Variants in TOX observed in about 807,000 individuals in gnomAD.
TOX encodes thymocyte selection associated high mobility group box, also known as thymocyte selection-associated high mobility group box protein TOX.
A neutral mutation model predicts 53.7 loss-of-function variants in TOX; 11 were observed. The observed-to-expected ratio is 0.20, with a 90% confidence interval of 0.13 to 0.34. TOX has a LOEUF of 0.34. Among genes scored for constraint, TOX ranks in the 10% least tolerant of loss-of-function variants. The pLI, the probability that TOX is intolerant of heterozygous loss-of-function variation, is 1.00. For missense variants in TOX, 570 were observed against 664.6 expected (o/e 0.86, Z 1.56); for synonymous variants, 225 against 245.3 (o/e 0.92, Z 0.77).
chr8:58,976,818 T>C (rs1813109594), intron 1 of TOX, among the ~76,000 whole-genome samples: 1 of 152,212 alleles, frequency 6.6e-6, no homozygotes, highest in Non-Finnish European at 1.5e-5. Flanking sequence ...AGGTGCCTTG[T>C]TAGTAGTGGT....
chr8:58,915,648 T>C (rs1421047878), intron 3 of TOX, among the ~76,000 whole-genome samples: 10 of 147,786 alleles, frequency 6.8e-5, no homozygotes, highest in African/African-American at 2.5e-4. Flanking sequence ...AGAGCGCCTC[T>C]CCTCCTCCAA....
intron 1 of TOX, among the ~76,000 whole-genome samples, chr8:59,024,787 C>T (rs151049219): frequency 8.5e-5 from 13 of 152,160 alleles, no homozygotes; most frequent in Admixed American, 2.0e-4. Flanking sequence ...TCTGGAAAAG[C>T]GGCCGTGTGA....
intron 1 of TOX, among the ~76,000 whole-genome samples, chr8:59,116,255 A>G (rs1416511234): frequency 6.6e-6 from 1 of 152,234 alleles, no homozygotes; most frequent in East Asian, 1.9e-4. Context: ...ATCACCTGAC[A>G]AACTGACTGC....
intron 2 of TOX, among the ~76,000 whole-genome samples, chr8:58,943,262 T>A (rs1307675966): frequency 6.6e-6 from 1 of 152,116 alleles, no homozygotes; most frequent in Non-Finnish European, 1.5e-5. Context: ...GGGTGACTGC[T>A]GGGGCACGTG....
chr8:59,029,476 T>C (rs1483700767), intron 1 of TOX, among the ~76,000 whole-genome samples: 1 of 152,140 alleles, frequency 6.6e-6, no homozygotes, highest in South Asian at 2.1e-4. Flanking sequence ...GATAACCCAC[T>C]AATAGCACAA....
At chr8:59,003,940 G>A (rs1032552056) in intron 1 of TOX, among the ~76,000 whole-genome samples, 2 of 152,148 alleles carry the variant, frequency 1.3e-5, no homozygotes, top group African/African-American at 4.8e-5. Context: ...AGACCAAAAA[G>A]TAAGAGTTTA....
chr8:59,005,712 A>G (rs913469322), intron 1 of TOX, among the ~76,000 whole-genome samples: 3 of 152,336 alleles, frequency 2.0e-5, no homozygotes, highest in Admixed American at 6.5e-5. Context: ...GTTGGTTTCT[A>G]GAATGATAGA....
intron 1 of TOX, among the ~76,000 whole-genome samples, chr8:59,058,037 C>A (rs994381786): frequency 2.0e-5 from 3 of 152,098 alleles, no homozygotes; most frequent in African/African-American, 7.2e-5. Flanking sequence ...AATATAAAAC[C>A]AATATCCCTA....
At chr8:59,011,721 T>C (rs1813908451) in intron 1 of TOX, among the ~76,000 whole-genome samples, 2 of 152,068 alleles carry the variant, frequency 1.3e-5, no homozygotes, top group South Asian at 2.1e-4. Flanking sequence ...ATAGTGATGA[T>C]AATAATAATA....
intron 1 of TOX, among the ~76,000 whole-genome samples, chr8:58,976,167 T>C (rs1813096521): frequency 6.6e-6 from 1 of 152,200 alleles, no homozygotes; most frequent in African/African-American, 2.4e-5. Flanking sequence ...GCATGCTACC[T>C]ACAGTAGAAT....
chr8:58,840,602 C>T (rs1029326158), intron 4 of TOX, among the ~76,000 whole-genome samples: 3 of 152,158 alleles, frequency 2.0e-5, no homozygotes, highest in African/African-American at 4.8e-5. Context: ...GCCTCAGTCA[C>T]ACCCTCTGAA....
chr8:59,085,664 A>G (rs1270302369), intron 1 of TOX, among the ~76,000 whole-genome samples: 3 of 152,258 alleles, frequency 2.0e-5, no homozygotes, highest in East Asian at 3.8e-4. Flanking sequence ...CTGGCATTAC[A>G]GGCGTGAGCC....
intron 3 of TOX, among the ~76,000 whole-genome samples, chr8:58,914,098 G>T (rs1811958777): frequency 6.6e-6 from 1 of 152,222 alleles, no homozygotes; most frequent in Non-Finnish European, 1.5e-5. Context: ...AACAGTGAAG[G>T]TCATAGTTCT....
chr8:58,843,151 A>G (rs1810672737), intron 4 of TOX, among the ~76,000 whole-genome samples: 1 of 152,234 alleles, frequency 6.6e-6, no homozygotes, highest in African/African-American at 2.4e-5. Context: ...CCTAAAAACA[A>G]GAGCATATTG....
At chr8:59,011,929 A>T (rs1274947670) in intron 1 of TOX, among the ~76,000 whole-genome samples, 1 of 152,284 alleles carries the variant, frequency 6.6e-6, no homozygotes, top group Non-Finnish European at 1.5e-5. Context: ...AGAGGAATTC[A>T]TTAAAGGTCA....
At chr8:59,075,246 T>C (rs913700184) in intron 1 of TOX, among the ~76,000 whole-genome samples, 4 of 152,118 alleles carry the variant, frequency 2.6e-5, no homozygotes, top group South Asian at 2.1e-4. Flanking sequence ...GTTCAGAACA[T>C]GTCACTCCAA....
chr8:58,944,656 G>A (rs1812497620), intron 2 of TOX, among the ~76,000 whole-genome samples: 1 of 152,092 alleles, frequency 6.6e-6, no homozygotes, highest in Non-Finnish European at 1.5e-5. Context: ...AAACCACGGG[G>A]TTCTTATAAG....
intron 2 of TOX, among the ~76,000 whole-genome samples, chr8:58,949,308 T>C (rs558825076): frequency 6.6e-6 from 1 of 152,254 alleles, no homozygotes; most frequent in Non-Finnish European, 1.5e-5. Flanking sequence ...TGGTTGCATA[T>C]TGCATTGCAT....
At chr8:59,069,649 TC>T (rs200520061) in intron 1 of TOX, among the ~76,000 whole-genome samples, 2,903 of 152,194 alleles carry the variant, frequency 0.019, 32 homozygotes, top group Middle Eastern at 0.031. Context: ...TCAGCACACT[TC>T]CATCAGAGAT....
Sources: gnomAD v4.1 joint callset for allele counts (sites outside exome capture counted in the v4.1 genomes callset) on GRCh38, gnomAD v4.1.1 for gene constraint, MANE v1.5 for transcripts, NCBI Gene and HGNC (gene_info 2026-07-23, HGNC 2026-07-21) for gene names.